The following KLRG1 variants were observed in gnomAD, a reference collection of about 807,000 sequenced individuals.
KLRG1 encodes the protein killer cell lectin-like receptor subfamily G member 1.
In KLRG1, 16 loss-of-function variants were observed where a neutral mutation model predicts 21.8. That is an observed-to-expected ratio of 0.73 (90% CI 0.50 to 1.11). The LOEUF (loss-of-function observed/expected upper bound fraction) is 1.11, where lower values mean the gene tolerates loss of function less well. Among genes scored for constraint, KLRG1 ranks in the 50% most tolerant of loss-of-function variants. The probability of loss-of-function intolerance (pLI) is 0.00; values close to 1 mark genes in which losing one functional copy is unlikely to be tolerated. For synonymous variants in KLRG1, 69 were observed against 75.9 expected, an observed-to-expected ratio of 0.91 and a Z score of 0.47; for missense variants, 173 against 218.3, an observed-to-expected ratio of 0.79 and a Z score of 1.31.
intron 1 of KLRG1, among the ~76,000 whole-genome samples, chr12:8,983,811 T>C (rs769660690): frequency 6.6e-6 from 1 of 152,348 alleles, no homozygotes; most frequent in Admixed American, 6.5e-5. Flanking sequence ...GTTATTTATT[T>C]TCCTCTGGCT....
At chr12:9,110,134 A>T in the KLRG1 span, 1 of 1,311,898 alleles carries the variant, frequency 7.6e-7, no homozygotes. Context: ...AAAAAGGTCA[A>T]ATGGGGTAGT....
chr12:9,172,777 C>G, the KLRG1 span, among the ~76,000 whole-genome samples: 1 of 141,178 alleles, frequency 7.1e-6, no homozygotes, highest in Non-Finnish European at 1.5e-5. Flanking sequence ...GAAGAGCTAA[C>G]TATCCTAAAT....
chr12:9,167,918 A>G, the KLRG1 span, among the ~76,000 whole-genome samples: 2 of 152,126 alleles, frequency 1.3e-5, no homozygotes, highest in East Asian at 3.9e-4. Context: ...TCTCAGTTAC[A>G]AGACAAAATC....
the KLRG1 span, chr12:9,113,468 C>G: frequency 6.2e-7 from 1 of 1,613,746 alleles, no homozygotes; most frequent in Non-Finnish European, 8.5e-7. Context: ...CTGTCTCATT[C>G]AGGTAGCTCA....
chr12:8,955,232 G>A (rs1946270264), intron 1 of KLRG1, among the ~76,000 whole-genome samples: 1 of 151,814 alleles, frequency 6.6e-6, no homozygotes. Context: ...AACTCTTAAG[G>A]ATACAATTCA....
chr12:9,029,810 G>A, the KLRG1 span, among the ~76,000 whole-genome samples: 3 of 152,188 alleles, frequency 2.0e-5, no homozygotes, highest in Admixed American at 6.5e-5. Context: ...AGGCTGGAGC[G>A]CAATGGCATG....
chr12:9,008,889 C>G (rs1157901070), intron 3 of KLRG1, 86 bp from the exon 4 acceptor site: 1 of 839,934 alleles, frequency 1.2e-6, no homozygotes, highest in Non-Finnish European at 1.9e-6. Context: ...AATTACTTAA[C>G]TTAGTATTAG....
chr12:8,975,043 C>T (rs1946635854), intron 1 of KLRG1, among the ~76,000 whole-genome samples: 1 of 151,888 alleles, frequency 6.6e-6, no homozygotes, highest in Non-Finnish European at 1.5e-5. Flanking sequence ...TTACAGGCAC[C>T]TGTCACCATG....
chr12:8,971,557 C>G (rs1299301243), intron 1 of KLRG1, among the ~76,000 whole-genome samples: 2 of 151,508 alleles, frequency 1.3e-5, no homozygotes, highest in South Asian at 4.2e-4. Flanking sequence ...TCACTGCAAC[C>G]CCCCCACCAC....
the KLRG1 span, among the ~76,000 whole-genome samples, chr12:9,205,893 C>T: frequency 6.6e-6 from 1 of 152,138 alleles, no homozygotes; most frequent in African/African-American, 2.4e-5. Context: ...GTCCCCTCAT[C>T]CTCCATGTAG....
At chr12:9,200,377 T>C in the KLRG1 span, 1 of 1,606,372 alleles carries the variant, frequency 6.2e-7, no homozygotes, top group Non-Finnish European at 8.5e-7. Flanking sequence ...CCACAGACTG[T>C]TATGTTCACT....
chr12:9,089,117 A>G, the KLRG1 span: 1 of 1,087,662 alleles, frequency 9.2e-7, no homozygotes, highest in African/African-American at 1.6e-5. Context: ...TCACAGAGAA[A>G]GTGTAGGAAT....
the KLRG1 span, among the ~76,000 whole-genome samples, chr12:9,127,576 A>G: frequency 6.6e-6 from 1 of 152,180 alleles, no homozygotes; most frequent in East Asian, 1.9e-4. Flanking sequence ...GGGGCTGGGC[A>G]GCGGCTCCGT....
chr12:9,174,506 C>T, the KLRG1 span, among the ~76,000 whole-genome samples: 3 of 151,956 alleles, frequency 2.0e-5, no homozygotes, highest in Non-Finnish European at 2.9e-5. Flanking sequence ...AAAGTGTATT[C>T]GAATAGGAAG....
the KLRG1 span, among the ~76,000 whole-genome samples, chr12:9,102,082 A>G: frequency 6.6e-6 from 1 of 152,172 alleles, no homozygotes; most frequent in South Asian, 2.1e-4. Flanking sequence ...GTGGATTTTG[A>G]ATGGGTATTA....
chr12:9,213,341 C>A, the KLRG1 span, among the ~76,000 whole-genome samples: 2 of 152,076 alleles, frequency 1.3e-5, no homozygotes, highest in African/African-American at 4.8e-5. Context: ...GGAATATATA[C>A]AGGAGTGAAT....
At chr12:8,970,411 T>C (rs1946547279) in intron 1 of KLRG1, 1 of 152,226 alleles carries the variant, frequency 6.6e-6, no homozygotes, top group South Asian at 2.1e-4. Context: ...AGACACTAAC[T>C]ACCAAAGTCA....
downstream of KLRG1, chr12:9,010,844 T>C (rs1477414685): frequency 6.6e-6 from 1 of 152,166 alleles, no homozygotes; most frequent in Non-Finnish European, 1.5e-5. Context: ...CCTCCCTAAC[T>C]CACCAATATG....
the KLRG1 span, among the ~76,000 whole-genome samples, chr12:9,131,595 A>G: frequency 1.3e-5 from 2 of 152,036 alleles, no homozygotes; most frequent in Admixed American, 1.3e-4. Flanking sequence ...TAAATTCCAC[A>G]AAGGATAAGA....
Sources: gnomAD v4.1 joint callset for allele counts (sites outside exome capture counted in the v4.1 genomes callset) on GRCh38, gnomAD v4.1.1 for gene constraint, MANE v1.5 for transcripts, NCBI Gene and HGNC (gene_info 2026-07-23, HGNC 2026-07-21) for gene names.